BAZ2B: variants seen among roughly 807,000 people sequenced by gnomAD.
The protein encoded by BAZ2B is bromodomain adjacent to zinc finger domain 2B.
Under a neutral mutation model 246.0 loss-of-function variants are expected in BAZ2B, and 91 were observed. That is an observed-to-expected ratio of 0.37 (90% confidence interval 0.31 to 0.44). The LOEUF is 0.44. Ranked by LOEUF, BAZ2B falls within the 20% of genes least tolerant of loss-of-function variation. The pLI is 1.00. For missense variants in BAZ2B, 2,332 were observed against 2,533.7 expected (o/e 0.92, Z 1.71); for synonymous variants, 855 against 860.0 (o/e 0.99, Z 0.10).
At chr2:159,613,060 C>T (rs1345250355) in intron 1 of BAZ2B, among the ~76,000 whole-genome samples, 3 of 116,250 alleles carry the variant, frequency 2.6e-5, no homozygotes, top group Non-Finnish European at 5.6e-5. Context: ...AGAGACTGTT[C>T]TAGAAAGAAA....
At chr2:159,506,623 G>A (rs894584071) in intron 2 of BAZ2B, among the ~76,000 whole-genome samples, 2 of 152,134 alleles carry the variant, frequency 1.3e-5, no homozygotes, top group South Asian at 4.2e-4. Flanking sequence ...AGATTACTAT[G>A]AATACTTCAG....
At chr2:159,638,342 T>A in the BAZ2B span, among the ~76,000 whole-genome samples, 3 of 152,162 alleles carry the variant, frequency 2.0e-5, no homozygotes, top group Non-Finnish European at 4.4e-5. Context: ...CAGACACTGA[T>A]GAACATCTAT....
At chr2:159,631,912 A>C in the BAZ2B span, among the ~76,000 whole-genome samples, 1 of 152,184 alleles carries the variant, frequency 6.6e-6, no homozygotes, top group Non-Finnish European at 1.5e-5. Flanking sequence ...GTACATCTAT[A>C]TATCACAAGA....
At chr2:159,623,880 C>G in the BAZ2B span, among the ~76,000 whole-genome samples, 12 of 152,236 alleles carry the variant, frequency 7.9e-5, no homozygotes, top group African/African-American at 2.9e-4. Flanking sequence ...AACATCCACA[C>G]AGTGGAGTAC....
At chr2:159,592,168 CTGTTAAT>C (rs1226187093) in intron 1 of BAZ2B, among the ~76,000 whole-genome samples, 2 of 152,104 alleles carry the variant, frequency 1.3e-5, no homozygotes, top group African/African-American at 4.8e-5. Flanking sequence ...ATAAACCCAT[CTGTTAAT>C]ATGAATCTTT....
intron 3 of BAZ2B, among the ~76,000 whole-genome samples, chr2:159,472,859 T>G (rs544664284): frequency 6.6e-6 from 1 of 152,310 alleles, no homozygotes; most frequent in African/African-American, 2.4e-5. Flanking sequence ...TGGATAAGCT[T>G]TTTGATGTGC....
the BAZ2B span, among the ~76,000 whole-genome samples, chr2:159,658,772 G>A: frequency 2.6e-5 from 4 of 152,010 alleles, no homozygotes; most frequent in South Asian, 2.1e-4. Flanking sequence ...ACTCACTTTG[G>A]CCTCCCAAAG....
chr2:159,566,327 T>C (rs536519057), intron 1 of BAZ2B, among the ~76,000 whole-genome samples: 2 of 152,246 alleles, frequency 1.3e-5, no homozygotes, highest in East Asian at 1.9e-4. Flanking sequence ...ACATATCTTA[T>C]GATGTGACAG....
chr2:159,413,991 T>C (rs990419488), intron 13 of BAZ2B, among the ~76,000 whole-genome samples: 5 of 152,294 alleles, frequency 3.3e-5, no homozygotes, highest in African/African-American at 1.2e-4. Flanking sequence ...CTGTTCACAA[T>C]AGCCAAGATT....
chr2:159,622,983 AAAG>A, the BAZ2B span, among the ~76,000 whole-genome samples: 8,511 of 149,408 alleles, frequency 0.057, 282 homozygotes, highest in Non-Finnish European at 0.087. Flanking sequence ...AAAAAAAAAA[AAAG>A]AAGAATGAAA....
intron 34 of BAZ2B, among the ~76,000 whole-genome samples, chr2:159,331,296 T>G (rs965826270): frequency 3.3e-5 from 5 of 152,142 alleles, no homozygotes; most frequent in Non-Finnish European, 5.9e-5. Flanking sequence ...GACAATAAGT[T>G]GAGAATGAAG....
chr2:159,405,281 G>A (rs892887330), intron 14 of BAZ2B, among the ~76,000 whole-genome samples, 167 bp from the exon 15 acceptor site: 4 of 151,948 alleles, frequency 2.6e-5, no homozygotes, highest in South Asian at 2.1e-4. Flanking sequence ...GTGCGATCGC[G>A]GCTCACTGCA....
chr2:159,461,133 GT>G (rs532390970), intron 3 of BAZ2B: 30 of 147,836 alleles, frequency 2.0e-4, no homozygotes, highest in Non-Finnish European at 3.5e-4. Flanking sequence ...GCACAAACAC[GT>G]TTTTTTTTTA....
chr2:159,710,526 A>G, the BAZ2B span, among the ~76,000 whole-genome samples: 1 of 152,190 alleles, frequency 6.6e-6, no homozygotes. Flanking sequence ...TCTGCAGCAT[A>G]GCAAAATCTC....
intron 1 of BAZ2B, among the ~76,000 whole-genome samples, chr2:159,576,476 G>A (rs1001704035): frequency 1.3e-5 from 2 of 150,354 alleles, no homozygotes; most frequent in Non-Finnish European, 3.0e-5. Flanking sequence ...GCAGAGAAAT[G>A]CAAATTTGAA....
intron 2 of BAZ2B, among the ~76,000 whole-genome samples, chr2:159,546,247 G>A (rs1285477351): frequency 2.0e-5 from 3 of 151,892 alleles, no homozygotes; most frequent in African/African-American, 7.3e-5. Context: ...ACGGGGGCGG[G>A]TCCTTCGTGC....
At chr2:159,681,687 T>C in the BAZ2B span, among the ~76,000 whole-genome samples, 5 of 152,134 alleles carry the variant, frequency 3.3e-5, no homozygotes, top group Admixed American at 1.3e-4. Flanking sequence ...TCCCAGCACT[T>C]TGGGAGGCCG....
chr2:159,338,460 C>T (rs1470384780), intron 31 of BAZ2B, among the ~76,000 whole-genome samples: 1 of 152,116 alleles, frequency 6.6e-6, no homozygotes, highest in Non-Finnish European at 1.5e-5. Context: ...TCCATGAGAG[C>T]AGGGACTATG....
At chr2:159,698,749 A>C in the BAZ2B span, among the ~76,000 whole-genome samples, 5 of 152,238 alleles carry the variant, frequency 3.3e-5, no homozygotes, top group African/African-American at 1.2e-4. Flanking sequence ...CTTTCTCAAT[A>C]CTTCTTAGGA....
Sources: allele counts gnomAD v4.1 joint callset (sites outside exome capture counted in the v4.1 genomes callset), GRCh38; gene constraint gnomAD v4.1.1; transcripts MANE v1.5; gene names NCBI Gene and HGNC (gene_info 2026-07-23, HGNC 2026-07-21).